Variants in ZNF385D observed in about 807,000 individuals in gnomAD.
ZNF385D encodes zinc finger protein 659.
In ZNF385D, 15 loss-of-function variants were observed where a neutral mutation model predicts 35.8. The ratio of observed to expected loss-of-function variants is 0.42; its 90% confidence interval spans 0.28 to 0.64. The LOEUF is 0.64. Ranked by LOEUF, ZNF385D falls within the 30% of genes least tolerant of loss-of-function variation. ZNF385D has a pLI of 0.23. For synonymous variants in ZNF385D, 212 were observed against 186.8 expected, an observed-to-expected ratio of 1.13 and a Z score of -1.10; for missense variants, 474 against 494.6, an observed-to-expected ratio of 0.96 and a Z score of 0.39.
chr3:22,008,598 C>T (rs949308006), intron 3 of ZNF385D, among the ~76,000 whole-genome samples: 5 of 152,054 alleles, frequency 3.3e-5, no homozygotes, highest in African/African-American at 9.7e-5. Flanking sequence ...CCTCGTGATC[C>T]GCCCACCACG....
intron 3 of ZNF385D, among the ~76,000 whole-genome samples, chr3:22,058,091 G>A (rs1699503055): frequency 1.3e-5 from 2 of 152,146 alleles, no homozygotes; most frequent in Non-Finnish European, 2.9e-5. Context: ...TGCTACACAA[G>A]CTGACAGACA....
chr3:21,563,699 C>T (rs145627707), intron 3 of ZNF385D, among the ~76,000 whole-genome samples: 102 of 152,244 alleles, frequency 6.7e-4, no homozygotes, highest in Admixed American at 1.8e-3. Context: ...CAACTTAGGA[C>T]GAGAAAATGG....
chr3:22,087,112 T>C (rs1014599382), intron 3 of ZNF385D, among the ~76,000 whole-genome samples: 2 of 152,146 alleles, frequency 1.3e-5, no homozygotes, highest in Non-Finnish European at 2.9e-5. Flanking sequence ...TCGGAGCATG[T>C]TAATTAGAAA....
At chr3:21,930,118 T>C (rs1408715558) in intron 3 of ZNF385D, among the ~76,000 whole-genome samples, 2 of 152,046 alleles carry the variant, frequency 1.3e-5, no homozygotes, top group Non-Finnish European at 1.5e-5. Context: ...GAATGGAATT[T>C]GAGAGTCCAA....
chr3:21,936,949 C>A (rs1284199078), intron 3 of ZNF385D, among the ~76,000 whole-genome samples: 1 of 152,080 alleles, frequency 6.6e-6, no homozygotes, highest in Non-Finnish European at 1.5e-5. Flanking sequence ...ACTTTGTTAA[C>A]ATCTCAACTG....
intron 3 of ZNF385D, among the ~76,000 whole-genome samples, chr3:22,108,536 G>T (rs1387155297): frequency 6.6e-6 from 1 of 152,114 alleles, no homozygotes; most frequent in Non-Finnish European, 1.5e-5. Flanking sequence ...TGAGTGCAAT[G>T]CATGTGGAAC....
At chr3:21,888,645 G>T (rs1444839080) in intron 3 of ZNF385D, among the ~76,000 whole-genome samples, 1 of 152,112 alleles carries the variant, frequency 6.6e-6, no homozygotes, top group African/African-American at 2.4e-5. Flanking sequence ...CAGGAAGCTT[G>T]GCTAAAAAGG....
intron 2 of ZNF385D, among the ~76,000 whole-genome samples, chr3:22,206,883 C>T (rs1005602487): frequency 7.9e-5 from 12 of 151,310 alleles, no homozygotes; most frequent in Non-Finnish European, 1.3e-4. Context: ...CAAACCAAAG[C>T]CAAAGTTAGT....
intron 2 of ZNF385D, among the ~76,000 whole-genome samples, chr3:21,639,371 C>A (rs1368825356): frequency 6.6e-6 from 1 of 151,854 alleles, no homozygotes; most frequent in Non-Finnish European, 1.5e-5. Flanking sequence ...TAGTAAGTAT[C>A]CAATAAATGT....
rs560772358 is a variant in ZNF385D, at chr3:22,146,703, T to C, written c.325+22114A>G. Among the ~76,000 whole-genome samples the C allele has an allele frequency of 4.6e-5, 7 of 152,300 alleles. No homozygotes were observed. The South Asian group carries it at 6.2e-4, about 14-fold the overall frequency. On this transcript the variant is annotated intron_variant, in intron 3 of 5. Coordinates refer to the ZNF385D transcript ENST00000494108. Reference sequence around the variant, plus strand: ...ACACTTATGATTTTACCTAGAAATATTGATTCTGACATTTTAGTTTTCCTG... The same window carrying C: ...ACACTTATGATTTTACCTAGAAATACTGATTCTGACATTTTAGTTTTCCTG...
At chr3:22,092,017 G>T (rs972869862) in intron 3 of ZNF385D, among the ~76,000 whole-genome samples, 1 of 152,112 alleles carries the variant, frequency 6.6e-6, no homozygotes, top group Non-Finnish European at 1.5e-5. Flanking sequence ...CTTTCAGGAA[G>T]AACATTTATA....
chr3:22,204,055 G>A (rs530945006), intron 2 of ZNF385D, among the ~76,000 whole-genome samples: 2 of 152,024 alleles, frequency 1.3e-5, no homozygotes, highest in Non-Finnish European at 2.9e-5. Context: ...GCTGGCTTTA[G>A]GTCTGATCCA....
intron 1 of ZNF385D, among the ~76,000 whole-genome samples, chr3:21,720,377 G>T (rs2068490946): frequency 6.6e-6 from 1 of 152,156 alleles, no homozygotes; most frequent in Admixed American, 6.5e-5. Flanking sequence ...AACATCGTGA[G>T]ACCCTAGTCT....
intron 3 of ZNF385D, among the ~76,000 whole-genome samples, chr3:22,127,317 C>CT (rs71044975): frequency 1.2e-4 from 7 of 56,308 alleles, no homozygotes; most frequent in Non-Finnish European, 2.0e-4. Context: ...TCATTTCCTG[C>CT]TTTTTTTTTT....
At chr3:22,216,527 T>C (rs980796129) in intron 2 of ZNF385D, among the ~76,000 whole-genome samples, 1 of 151,910 alleles carries the variant, frequency 6.6e-6, no homozygotes, top group Non-Finnish European at 1.5e-5. Flanking sequence ...TAACAGAAAA[T>C]CTTAAGCATT....
At chr3:22,350,144 A>G (rs1160492583) in intron 2 of ZNF385D, among the ~76,000 whole-genome samples, 1 of 152,114 alleles carries the variant, frequency 6.6e-6, no homozygotes, top group African/African-American at 2.4e-5. Context: ...GCTTCCCATG[A>G]CTTTAGACTA....
chr3:21,942,136 A>G (rs565811148), intron 3 of ZNF385D, among the ~76,000 whole-genome samples: 60 of 152,342 alleles, frequency 3.9e-4, no homozygotes, highest in African/African-American at 1.4e-3. Flanking sequence ...CAAGTAACTG[A>G]TAAGTTGTCA....
intron 2 of ZNF385D, among the ~76,000 whole-genome samples, chr3:21,653,664 T>A (rs2065988979): frequency 1.3e-5 from 2 of 152,144 alleles, no homozygotes; most frequent in South Asian, 4.2e-4. Context: ...AAAACCAGAT[T>A]CTGTCAATAG....
chr3:21,545,189 T>C (rs575162627), intron 3 of ZNF385D, among the ~76,000 whole-genome samples: 18 of 152,360 alleles, frequency 1.2e-4, no homozygotes, highest in Admixed American at 1.1e-3. Context: ...CAGACAATTT[T>C]TGTCTTGTTT....
Sources: allele counts gnomAD v4.1 joint callset (sites outside exome capture counted in the v4.1 genomes callset), GRCh38; gene constraint gnomAD v4.1.1; transcripts MANE v1.5; gene names NCBI Gene and HGNC (gene_info 2026-07-23, HGNC 2026-07-21).